G3BP2: variants seen among roughly 807,000 people sequenced by gnomAD.
The protein encoded by G3BP2 is ras GTPase-activating protein-binding protein 2.
A neutral mutation model predicts 56.7 loss-of-function variants in G3BP2; 11 were observed. The observed-to-expected ratio is 0.19, with a 90% CI of 0.12 to 0.32. The LOEUF (loss-of-function observed/expected upper bound fraction) is 0.32. Among genes scored for constraint, G3BP2 ranks in the 10% least tolerant of loss-of-function variants. G3BP2 has a pLI of 1.00. For synonymous variants in G3BP2, 165 were observed against 191.6 expected, an observed-to-expected ratio of 0.86 and a Z score of 1.15; for missense variants, 340 against 610.9, an observed-to-expected ratio of 0.56 and a Z score of 4.67.
rs6148524 is a variant in G3BP2, at chr4:75,643,295, T to TTATATATATATATATATATATATA, written c.*2134_*2135insTATATATATATATATATATATATA. The TTATATATATATATATATATATATA allele has an allele frequency of 3.8e-3, 383 of 99,756 alleles. 19 individuals are homozygous for TTATATATATATATATATATATATA. Among genetic ancestry groups the TTATATATATATATATATATATATA allele is most frequent in the African/African-American group, 5.8e-3 (137 of 23,746 alleles). 6.2% of individuals were successfully genotyped at this position (99,756 alleles called of 1,614,324 possible). On this transcript the variant is annotated 3_prime_UTR_variant, in exon 12 of 12. Coordinates refer to ENST00000359707, the MANE Select transcript of G3BP2 (RefSeq NM_203505.3). ...GCAGGGCAATATCCTGAATTGGAAATTATATATATATATATATATATGGAA... is the reference window on the plus strand; with the variant it reads ...GCAGGGCAATATCCTGAATTGGAAATTATATATATATATATATATATATATATATATATATATATATATATGGAA...
At chr4:75,688,213 T>G (rs1332573585) in intron 3 of G3BP2, among the ~76,000 whole-genome samples, 1 of 152,172 alleles carries the variant, frequency 6.6e-6, no homozygotes, top group Non-Finnish European at 1.5e-5. Flanking sequence ...TTTAAATATT[T>G]TTCTTTCTTA....
chr4:75,654,671 C>A (rs1182680527), intron 7 of G3BP2, among the ~76,000 whole-genome samples: 1 of 152,206 alleles, frequency 6.6e-6, no homozygotes, highest in East Asian at 1.9e-4. Flanking sequence ...ATTTAAACCA[C>A]AAACAACAGG....
intron 1 of G3BP2, among the ~76,000 whole-genome samples, chr4:75,670,960 C>G (rs953951103): frequency 2.0e-5 from 3 of 152,140 alleles, no homozygotes; most frequent in Non-Finnish European, 2.9e-5. Flanking sequence ...AGCAGGACAG[C>G]AACAGAAAAT....
At position 75,643,295 on chromosome 4, in the gene G3BP2, T is replaced by TTATATATATGTATATATATATATATA. The variant is rs1730986183; in HGVS notation, c.*2134_*2135insTATATATATATATATACATATATATA. The TTATATATATGTATATATATATATATA allele has an allele frequency of 1.0e-5, 1 of 99,942 alleles. No individual in the cohort carries two copies. The highest frequency in any genetic ancestry group is 2.2e-5 in the Non-Finnish European group (1 of 46,322). The allele number at this position is 99,942 out of a possible 1,614,324, so 6.2% of individuals were successfully genotyped here. ...GCAGGGCAATATCCTGAATTGGAAA[T>TTATATATATGTATATATATATATATA]TATATATATATATATATATATGGAA... On this transcript the variant is annotated 3_prime_UTR_variant, in exon 12 of 12. Transcript: ENST00000359707.
chr4:75,682,719 T>A (rs144148455), intron 3 of G3BP2, among the ~76,000 whole-genome samples: 2 of 151,992 alleles, frequency 1.3e-5, no homozygotes, highest in African/African-American at 4.8e-5. Flanking sequence ...CGGTTGCTCA[T>A]GCCTGTAATC....
At chr4:75,703,956 T>A (rs1031003365) in intron 3 of G3BP2, among the ~76,000 whole-genome samples, 3 of 152,080 alleles carry the variant, frequency 2.0e-5, no homozygotes, top group African/African-American at 7.2e-5. Context: ...TTTTGATTGA[T>A]AAATAAATTT....
intron 3 of G3BP2, among the ~76,000 whole-genome samples, chr4:75,689,435 C>A (rs60225400): frequency 6.6e-6 from 1 of 151,716 alleles, no homozygotes; most frequent in Non-Finnish European, 1.5e-5. Context: ...CCAAGAAGAC[C>A]CAGATAAGTA....
At chr4:75,662,710 C>A (rs1732665023) in intron 1 of G3BP2, among the ~76,000 whole-genome samples, 1 of 152,158 alleles carries the variant, frequency 6.6e-6, no homozygotes, top group Non-Finnish European at 1.5e-5. Flanking sequence ...AGGGAAATAG[C>A]ATCTTTGTTC....
At chr4:75,698,309 G>A (rs1421550646) in intron 3 of G3BP2, among the ~76,000 whole-genome samples, 1 of 152,132 alleles carries the variant, frequency 6.6e-6, no homozygotes, top group Non-Finnish European at 1.5e-5. Context: ...CTCTGAAGAC[G>A]AAGGAAGGAG....
At chr4:75,691,163 T>C (rs1042604656) in intron 3 of G3BP2, among the ~76,000 whole-genome samples, 9 of 152,076 alleles carry the variant, frequency 5.9e-5, no homozygotes, top group Non-Finnish European at 8.8e-5. Context: ...CACTTCAACC[T>C]GTGCCTCCCA....
rs866130100 is a variant in G3BP2, at chr4:75,700,645, T to A, written c.-25+20232A>T. On this transcript the variant is annotated intron_variant, in intron 3 of 3. Transcript: ENST00000499709. Reference sequence around the variant, plus strand: ...CATGTTGGTCAGGCTGGTCTCAAACTCCTGACCTCGTGATCCGCCTGCCTT... The same window carrying A: ...CATGTTGGTCAGGCTGGTCTCAAACACCTGACCTCGTGATCCGCCTGCCTT... Among the ~76,000 whole-genome samples the A allele has an allele frequency of 3.3e-4, 50 of 149,748 alleles. 1 individual carries two copies. Among genetic ancestry groups the A allele is most frequent in the Middle Eastern group, 3.4e-3 (1 of 290 alleles).
intron 3 of G3BP2, among the ~76,000 whole-genome samples, chr4:75,707,706 A>G (rs1719607422): frequency 1.3e-5 from 2 of 152,162 alleles, no homozygotes; most frequent in African/African-American, 4.8e-5. Context: ...AAATCAATGT[A>G]GAAAAATGTT....
intron 1 of G3BP2, among the ~76,000 whole-genome samples, chr4:75,666,506 G>A (rs1353773187): frequency 6.6e-6 from 1 of 152,146 alleles, no homozygotes; most frequent in African/African-American, 2.4e-5. Flanking sequence ...CCATAACTCC[G>A]ATTTGAAGTG....
intron 3 of G3BP2, among the ~76,000 whole-genome samples, chr4:75,693,019 G>A (rs1276623441): frequency 6.6e-6 from 1 of 152,144 alleles, no homozygotes; most frequent in Non-Finnish European, 1.5e-5. Context: ...GGCCAAGGCG[G>A]GTGGATCACG....
chr4:75,660,793 T>G (rs560037122), intron 2 of G3BP2, among the ~76,000 whole-genome samples: 1 of 152,312 alleles, frequency 6.6e-6, no homozygotes, highest in South Asian at 2.1e-4. Context: ...CTGCAATACT[T>G]ACAAAGTCTA....
Position 75,643,304 on chromosome 4 carries a change from T to TATATATAATTTCC in G3BP2, c.*2125_*2126insGGAAATTATATAT, listed in dbSNP as rs1730991697. On this transcript the variant is annotated 3_prime_UTR_variant, in exon 12 of 12. Coordinates refer to ENST00000359707, the MANE Select transcript of G3BP2 (RefSeq NM_203505.3). ...TATCCTGAATTGGAAATTATATATA[T>TATATATAATTTCC]ATATATATATATGGAAACAGAAATA... The TATATATAATTTCC allele has an allele frequency of 7.2e-6, 1 of 138,120 alleles. No individual in the cohort carries two copies. Among genetic ancestry groups the TATATATAATTTCC allele is most frequent in the African/African-American group, 2.8e-5 (1 of 35,330 alleles). The allele number at this position is 138,120 out of a possible 1,614,324, so 8.6% of individuals were successfully genotyped here. A position where few individuals can be genotyped will look rare whatever the true frequency, so the allele number is the denominator to read the frequency against.
upstream of G3BP2, among the ~76,000 whole-genome samples, chr4:75,676,060 A>C (rs1276850165): frequency 6.6e-6 from 1 of 152,212 alleles, no homozygotes; most frequent in Non-Finnish European, 1.5e-5. Context: ...TTCAATGTTA[A>C]GTAAATATCT....
chr4:75,670,263 T>C (rs970880510), intron 1 of G3BP2: 1 of 152,114 alleles, frequency 6.6e-6, no homozygotes, highest in Admixed American at 6.5e-5. Context: ...ATGGACTATA[T>C]CCATTTCCAA....
chr4:75,718,364 C>T (rs565552189), intron 3 of G3BP2, among the ~76,000 whole-genome samples: 49 of 151,872 alleles, frequency 3.2e-4, no homozygotes, highest in African/African-American at 1.1e-3. Flanking sequence ...AAGTACAATG[C>T]AATGTCAAAT....
Sources: allele counts gnomAD v4.1 joint callset (sites outside exome capture counted in the v4.1 genomes callset), GRCh38; gene constraint gnomAD v4.1.1; transcripts MANE v1.5; gene names NCBI Gene and HGNC (gene_info 2026-07-23, HGNC 2026-07-21).